FABP6: variants seen among roughly 807,000 people sequenced by gnomAD.
FABP6 encodes gastrotropin.
In FABP6, 13 loss-of-function variants were observed where a neutral mutation model predicts 14.9. The ratio of observed to expected loss-of-function variants is 0.87; its 90% CI spans 0.57 to 1.39. The LOEUF (loss-of-function observed/expected upper bound fraction) is 1.39. Ranked by LOEUF, FABP6 falls within the 40% of genes most tolerant of loss-of-function variation. The pLI, the probability that FABP6 is intolerant of heterozygous loss-of-function variation, is 0.00. For missense variants in FABP6, 161 were observed against 167.2 expected (o/e 0.96, Z 0.20); for synonymous variants, 75 against 63.6 (o/e 1.18, Z -0.85).
chr5:160,229,379 T>A (rs1469784878), upstream of FABP6: 1 of 1,425,888 alleles, frequency 7.0e-7, no homozygotes, highest in African/African-American at 1.4e-5. Context: ...TCCCTCCAGG[T>A]CCTGCCCACA....
intron 3 of FABP6, among the ~76,000 whole-genome samples, chr5:160,214,909 T>C (rs1759980880): frequency 6.6e-6 from 1 of 152,164 alleles, no homozygotes; most frequent in Non-Finnish European, 1.5e-5. Flanking sequence ...GCAGATACTG[T>C]TCCTAGTGAG....
chr5:160,216,725 C>T (rs1278671932), intron 3 of FABP6, among the ~76,000 whole-genome samples: 3 of 152,184 alleles, frequency 2.0e-5, no homozygotes, highest in African/African-American at 7.2e-5. Context: ...AGTCACCTAA[C>T]CTTTCTGAAC....
intron 2 of FABP6, among the ~76,000 whole-genome samples, chr5:160,207,713 T>C (rs1295929725): frequency 7.0e-6 from 1 of 143,758 alleles, no homozygotes. Context: ...CTGTAGGTCA[T>C]CTTTACCTCC....
chr5:160,212,277 C>A (rs1428861896), intron 2 of FABP6, among the ~76,000 whole-genome samples: 1 of 152,152 alleles, frequency 6.6e-6, no homozygotes, highest in East Asian at 1.9e-4. Context: ...GCCTCAGCCT[C>A]CCAAGTAGCT....
At chr5:160,227,225 T>A (rs1322071969), upstream of FABP6, among the ~76,000 whole-genome samples, 1 of 151,522 alleles carries the variant, frequency 6.6e-6, no homozygotes, top group African/African-American at 2.4e-5. Flanking sequence ...TACCAGAAAA[T>A]AAATATGTGC....
chr5:160,199,024 G>C, intron 1 of FABP6: 1 of 1,432,814 alleles, frequency 7.0e-7, no homozygotes, highest in Non-Finnish European at 9.8e-7. Context: ...CCCTCCCAGC[G>C]TGCTGGCTTT....
chr5:160,222,662 C>T (rs551875439), intron 3 of FABP6, among the ~76,000 whole-genome samples: 1 of 152,104 alleles, frequency 6.6e-6, no homozygotes, highest in Admixed American at 6.6e-5. Context: ...AGATATGTTA[C>T]TTTTATAATC....
chr5:160,232,165 G>C lies in FABP6; in HGVS notation c.135G>C (p.Gly45=). 5 of 1,613,936 alleles carry C rather than the reference G, an allele frequency of 3.1e-6. No homozygotes were observed. Among genetic ancestry groups the C allele is most frequent in the Non-Finnish European group, 4.2e-6 (5 of 1,179,962 alleles). The part of the protein sequence containing the change: ...FKIVTEVQQD[G]QDFTWSQHYS... Reference sequence around the variant, plus strand: ...TCGTCACGGAGGTGCAGCAGGATGGGCAGGACTTCACTTGGTCCCAGCACT... The same window carrying C: ...TCGTCACGGAGGTGCAGCAGGATGGCCAGGACTTCACTTGGTCCCAGCACT... Residue 45 remains glycine (G), a synonymous_variant, in exon 2 of 4, where the codon GGG becomes GGC. Transcript: ENST00000402432.
upstream of FABP6, among the ~76,000 whole-genome samples, chr5:160,225,062 G>A (rs1760212614): frequency 6.6e-6 from 1 of 151,068 alleles, no homozygotes; most frequent in African/African-American, 2.4e-5. Context: ...TTACAGGTAT[G>A]AACTACCATG....
chr5:160,237,081 T>C (rs1760533605), intron 3 of FABP6, among the ~76,000 whole-genome samples: 1 of 152,164 alleles, frequency 6.6e-6, no homozygotes, highest in African/African-American at 2.4e-5. Flanking sequence ...GGGTGAAAAC[T>C]GACATTTTGA....
chr5:160,188,031 C>A (rs56069959), intron 1 of FABP6, among the ~76,000 whole-genome samples: 51,509 of 150,974 alleles, frequency 0.34, 9,432 homozygotes, highest in Non-Finnish European at 0.4. Context: ...AGATTACAGA[C>A]GTGAGCCACT....
chr5:160,218,962 T>C (rs775005896), intron 3 of FABP6, among the ~76,000 whole-genome samples: 2 of 152,150 alleles, frequency 1.3e-5, no homozygotes, highest in Non-Finnish European at 2.9e-5. Flanking sequence ...GGTCTTACTA[T>C]GTAGGCCACA....
intron 3 of FABP6, among the ~76,000 whole-genome samples, chr5:160,215,065 A>T (rs1690916784): frequency 6.6e-6 from 1 of 152,188 alleles, no homozygotes; most frequent in Non-Finnish European, 1.5e-5. Context: ...GTTAACACAT[A>T]GTTTTGAATA....
At chr5:160,229,821 TTTTTATTTTATTTTATTTTATTTTA>T (rs200570698) in intron 1 of FABP6, among the ~76,000 whole-genome samples, 197 bp downstream of exon 1, 4,704 of 128,078 alleles carry the variant, frequency 0.037, 119 homozygotes, top group Middle Eastern at 0.09. Context: ...CTCTTTAACT[TTTTTATTTTATTTTATTTTATTTTA>T]TTTTATTTTA....
At chr5:160,192,451 T>A (rs1239411742) in intron 1 of FABP6, among the ~76,000 whole-genome samples, 1 of 152,248 alleles carries the variant, frequency 6.6e-6, no homozygotes, top group Non-Finnish European at 1.5e-5. Context: ...AAACCTTGCG[T>A]GTTTACTCTC....
At chr5:160,200,756 G>T (rs1759619409) in intron 2 of FABP6, among the ~76,000 whole-genome samples, 1 of 152,194 alleles carries the variant, frequency 6.6e-6, no homozygotes, top group African/African-American at 2.4e-5. Flanking sequence ...GTCCCCAGCT[G>T]TCTCATCTGT....
At chr5:160,238,467 A>G (rs1216157183) in intron 3 of FABP6, 139 bp from the exon 4 acceptor site, 2 of 677,982 alleles carry the variant, frequency 2.9e-6, no homozygotes, top group Non-Finnish European at 5.3e-6. Context: ...ACAAATTGGG[A>G]AACTGAGGCC....
At chr5:160,188,694 T>TA (rs1409846755) in intron 1 of FABP6, among the ~76,000 whole-genome samples, 1 of 152,230 alleles carries the variant, frequency 6.6e-6, no homozygotes, top group Non-Finnish European at 1.5e-5. Flanking sequence ...GACCGGGCTG[T>TA]TAGCCACGTG....
At chr5:160,236,957 A>G (rs1332576253) in intron 3 of FABP6, among the ~76,000 whole-genome samples, 1 of 152,090 alleles carries the variant, frequency 6.6e-6, no homozygotes, top group Non-Finnish European at 1.5e-5. Context: ...CAGCCTGGAC[A>G]ACAAGAGCAA....
Sources: allele counts gnomAD v4.1 joint callset (sites outside exome capture counted in the v4.1 genomes callset), GRCh38; gene constraint gnomAD v4.1.1; transcripts MANE v1.5; gene names NCBI Gene and HGNC (gene_info 2026-07-23, HGNC 2026-07-21).